Variants in PTPRZ1 observed in about 807,000 individuals in gnomAD.
The protein encoded by PTPRZ1 is receptor-type tyrosine-protein phosphatase zeta.
A neutral mutation model predicts 214.1 loss-of-function variants in PTPRZ1; 82 were observed. That is an observed-to-expected ratio of 0.38 (90% CI 0.32 to 0.46). PTPRZ1 has a LOEUF of 0.46. Ranked by LOEUF, PTPRZ1 falls within the 20% of genes least tolerant of loss-of-function variation. The probability of loss-of-function intolerance (pLI) is 1.00; values close to 1 mark genes in which losing one functional copy is unlikely to be tolerated. For synonymous variants in PTPRZ1, 945 were observed against 987.9 expected (o/e 0.96, Z 0.81); for missense variants, 2,603 against 2,748.7 (o/e 0.95, Z 1.19).
intron 2 of PTPRZ1, among the ~76,000 whole-genome samples, chr7:121,948,751 A>C (rs1796463178): frequency 8.3e-6 from 1 of 120,468 alleles, no homozygotes; most frequent in Non-Finnish European, 1.8e-5. Context: ...GTTGGTCCTC[A>C]TACAATCCAT....
Position 122,019,207 on chromosome 7 carries a change from A to G in PTPRZ1, c.4927A>G (p.Ile1643Val), listed in dbSNP as rs768703952. 2 of 1,612,158 alleles carry G rather than the reference A, an allele frequency of 1.2e-6. No homozygotes were observed. The highest frequency in any genetic ancestry group is 8.5e-7 in the Non-Finnish European group (1 of 1,178,290). ...GAAGAAGGCAGTTATACCCCTTGTG[A>G]TCGTGTCAGCCCTGACTTTTATCTG... ...SEKKAVIPLV[I>V]VSALTFICLV... The change falls in exon 13 of 30, where the codon ATC (isoleucine) becomes GTC (valine). Residue 1643 changes from isoleucine (I) to valine (V), a missense_variant. Ile to Val is a conservative substitution (Grantham distance 29, BLOSUM62 3). Coordinates refer to ENST00000393386, the MANE Select transcript of PTPRZ1 (RefSeq NM_002851.3).
At chr7:122,009,224 G>A (rs752364712) in intron 11 of PTPRZ1, among the ~76,000 whole-genome samples, 6 of 151,994 alleles carry the variant, frequency 3.9e-5, no homozygotes, top group African/African-American at 7.2e-5. Flanking sequence ...GCTTGGAATC[G>A]TGTGTTTCAT....
intron 13 of PTPRZ1, among the ~76,000 whole-genome samples, chr7:122,021,269 G>C (rs1405505531): frequency 6.6e-6 from 1 of 152,134 alleles, no homozygotes; most frequent in Non-Finnish European, 1.5e-5. Flanking sequence ...AAAATTTAGA[G>C]AGGTTTCTAT....
At chr7:121,901,062 T>C (rs970390645) in intron 1 of PTPRZ1, among the ~76,000 whole-genome samples, 3 of 152,152 alleles carry the variant, frequency 2.0e-5, no homozygotes, top group African/African-American at 7.2e-5. Context: ...AGAAAAAGAA[T>C]TTTAGTAGTA....
At chr7:121,936,682 C>T (rs533194574) in intron 2 of PTPRZ1, among the ~76,000 whole-genome samples, 1 of 152,210 alleles carries the variant, frequency 6.6e-6, no homozygotes, top group African/African-American at 2.4e-5. Flanking sequence ...TTATAGATTA[C>T]AGAAGCATAA....
chr7:121,951,965 T>A (rs1414203313), intron 2 of PTPRZ1, among the ~76,000 whole-genome samples: 21 of 61,692 alleles, frequency 3.4e-4, no homozygotes, highest in African/African-American at 1.3e-3. Context: ...ATTTATTTAT[T>A]TTTTTTTTTT....
At chr7:121,922,354 C>T (rs1795624952) in intron 1 of PTPRZ1, among the ~76,000 whole-genome samples, 1 of 152,044 alleles carries the variant, frequency 6.6e-6, no homozygotes, top group Non-Finnish European at 1.5e-5. Flanking sequence ...GTCAGATATT[C>T]GAGACCAGCC....
intron 11 of PTPRZ1, among the ~76,000 whole-genome samples, chr7:122,005,144 A>G (rs1798446717): frequency 1.3e-5 from 2 of 152,126 alleles, no homozygotes; most frequent in South Asian, 4.1e-4. Flanking sequence ...GTTGATAAAT[A>G]TTAATTTACT....
At chr7:121,907,913 A>G (rs1011919044) in intron 1 of PTPRZ1, among the ~76,000 whole-genome samples, 5 of 152,098 alleles carry the variant, frequency 3.3e-5, no homozygotes, top group Non-Finnish European at 7.4e-5. Context: ...TTTGAAGGCT[A>G]TATGCTCTTA....
intron 27 of PTPRZ1, among the ~76,000 whole-genome samples, chr7:122,057,371 A>G (rs552402246): frequency 7.2e-5 from 11 of 151,962 alleles, no homozygotes; most frequent in East Asian, 5.8e-4. Flanking sequence ...ACATTTTTAC[A>G]TAATTATTTA....
chr7:121,959,045 A>C (rs895519278), intron 2 of PTPRZ1, among the ~76,000 whole-genome samples: 1 of 152,064 alleles, frequency 6.6e-6, no homozygotes, highest in African/African-American at 2.4e-5. Context: ...GGATGGTCTC[A>C]ATCTCCTGAC....
chr7:121,912,144 G>A (rs1315390229), intron 1 of PTPRZ1, among the ~76,000 whole-genome samples: 3 of 152,202 alleles, frequency 2.0e-5, no homozygotes, highest in South Asian at 2.1e-4. Flanking sequence ...AGAAAGCCCA[G>A]TAAATCCTAG....
At chr7:121,986,605 C>T (rs1024542617) in intron 8 of PTPRZ1, among the ~76,000 whole-genome samples, 2 of 151,950 alleles carry the variant, frequency 1.3e-5, no homozygotes, top group African/African-American at 4.8e-5. Context: ...GATTTTATTC[C>T]CTTAGACTAT....
At chr7:121,930,249 C>G (rs1795882836) in intron 2 of PTPRZ1, among the ~76,000 whole-genome samples, 2 of 152,050 alleles carry the variant, frequency 1.3e-5, no homozygotes, top group South Asian at 4.1e-4. Context: ...TATTAATTTA[C>G]TCATTTATAA....
chr7:121,938,194 A>G (rs1199600190), intron 2 of PTPRZ1, among the ~76,000 whole-genome samples: 1 of 152,186 alleles, frequency 6.6e-6, no homozygotes, highest in East Asian at 1.9e-4. Flanking sequence ...AACAACAAAA[A>G]GCAGTTTTAT....
intron 2 of PTPRZ1, among the ~76,000 whole-genome samples, chr7:121,949,057 A>C (rs1796472844): frequency 6.6e-6 from 1 of 152,086 alleles, no homozygotes; most frequent in Non-Finnish European, 1.5e-5. Flanking sequence ...TATACATTCT[A>C]GGGAGACATA....
At chr7:121,874,039 GACACACACAC>G (rs10640393) in intron 1 of PTPRZ1, among the ~76,000 whole-genome samples, 14 of 147,932 alleles carry the variant, frequency 9.5e-5, no homozygotes, top group South Asian at 2.1e-4. Flanking sequence ...GTGAATTGCA[GACACACACAC>G]ACACACACAC....
At chr7:121,982,175 A>T (rs1232640670) in intron 6 of PTPRZ1, among the ~76,000 whole-genome samples, 1 of 152,070 alleles carries the variant, frequency 6.6e-6, no homozygotes, top group Non-Finnish European at 1.5e-5. Context: ...TTCCATAATA[A>T]TTTTTTCTAT....
In PTPRZ1 at chr7:122,055,101, T is replaced by A. The variant is rs182183292; in HGVS notation, c.6528+14T>A. ...GAAGCTACACAGGTAAGGATATAAG[T>A]TAAATGACAAACTTTTTATCTTAAA... is the stretch of plus-strand genomic sequence containing the variant. On this transcript the variant is annotated intron_variant, in intron 27 of 29. Coordinates refer to ENST00000393386, the MANE Select transcript of PTPRZ1 (RefSeq NM_002851.3). The A allele has an allele frequency of 1.1e-5, 16 of 1,508,110 alleles. No individual in the cohort carries two copies. In the East Asian group the frequency reaches 3.3e-4, roughly 31 times the overall value. 93.4% of individuals were successfully genotyped at this position (1,508,110 alleles called of 1,614,324 possible). A position where few individuals can be genotyped will look rare whatever the true frequency, so the allele number is the denominator to read the frequency against.
Sources: allele counts gnomAD v4.1 joint callset (sites outside exome capture counted in the v4.1 genomes callset), GRCh38; gene constraint gnomAD v4.1.1; transcripts MANE v1.5; gene names NCBI Gene and HGNC (gene_info 2026-07-23, HGNC 2026-07-21).